The following THSD7B variants were observed in gnomAD, a reference collection of about 807,000 sequenced individuals.
The protein encoded by THSD7B is thrombospondin type 1 domain containing 7B, also known as thrombospondin type-1 domain-containing protein 7B.
A neutral mutation model predicts 213.6 loss-of-function variants in THSD7B; 138 were observed. That is an observed-to-expected ratio of 0.65 (90% CI 0.56 to 0.74). THSD7B has a LOEUF of 0.74. THSD7B is among the 30% of genes least tolerant of loss of function. The probability of loss-of-function intolerance (pLI) is 0.00; values close to 1 mark genes in which losing one functional copy is unlikely to be tolerated. For synonymous variants in THSD7B, 742 were observed against 687.0 expected (o/e 1.08, Z -1.25); for missense variants, 1,931 against 1,991.5 (o/e 0.97, Z 0.58).
intron 15 of THSD7B, among the ~76,000 whole-genome samples, chr2:137,540,876 A>C (rs1680597258): frequency 6.6e-6 from 1 of 151,784 alleles, no homozygotes; most frequent in Non-Finnish European, 1.5e-5. Context: ...CCTGGGAATT[A>C]AAAGAGCATG....
intron 7 of THSD7B, 68 bp from the exon 8 acceptor site, chr2:137,230,976 G>A: frequency 1.4e-6 from 2 of 1,453,344 alleles, no homozygotes; most frequent in Non-Finnish European, 1.9e-6. Flanking sequence ...TTAAACTGAA[G>A]TAATAGATAA....
At chr2:137,336,841 T>C (rs1278760392) in intron 12 of THSD7B, among the ~76,000 whole-genome samples, 2 of 152,152 alleles carry the variant, frequency 1.3e-5, no homozygotes, top group Non-Finnish European at 2.9e-5. Context: ...TTTAAATGTC[T>C]GTTCTTCAAG....
At chr2:137,549,395 G>A (rs772492146) in intron 15 of THSD7B, among the ~76,000 whole-genome samples, 11 of 142,824 alleles carry the variant, frequency 7.7e-5, no homozygotes, top group Non-Finnish European at 1.3e-4. Context: ...ATTCTGTGGC[G>A]CAGACTCACT....
At chr2:136,966,977 C>T (rs1407002446) in intron 2 of THSD7B, among the ~76,000 whole-genome samples, 2 of 152,110 alleles carry the variant, frequency 1.3e-5, no homozygotes, top group East Asian at 1.9e-4. Context: ...TGCAACTGAC[C>T]TAGCCTTGAC....
intron 12 of THSD7B, among the ~76,000 whole-genome samples, chr2:137,278,757 G>C (rs1268375863): frequency 6.6e-6 from 1 of 152,136 alleles, no homozygotes; most frequent in African/African-American, 2.4e-5. Context: ...TAGAGGACCT[G>C]TCAGGTTTGA....
intron 7 of THSD7B, among the ~76,000 whole-genome samples, chr2:137,196,812 A>G (rs1413751850): frequency 1.3e-5 from 2 of 152,208 alleles, no homozygotes; most frequent in African/African-American, 4.8e-5. Context: ...CTCATTATGC[A>G]TATGCAAATA....
intron 15 of THSD7B, among the ~76,000 whole-genome samples, chr2:137,512,589 T>C (rs1005743446): frequency 2.6e-5 from 4 of 151,844 alleles, no homozygotes; most frequent in African/African-American, 9.7e-5. Flanking sequence ...GACAGGGTTT[T>C]GTCATGTTGC....
At chr2:137,185,165 T>C (rs529637274) in intron 7 of THSD7B, among the ~76,000 whole-genome samples, 2 of 152,070 alleles carry the variant, frequency 1.3e-5, no homozygotes, top group Admixed American at 1.3e-4. Context: ...AAAAGCAACA[T>C]ATTTATATAA....
intron 12 of THSD7B, among the ~76,000 whole-genome samples, chr2:137,373,795 A>T (rs1478238485): frequency 6.6e-6 from 1 of 152,130 alleles, no homozygotes; most frequent in Non-Finnish European, 1.5e-5. Flanking sequence ...CTGAATGGTA[A>T]TGCCTAGGTT....
chr2:137,546,957 T>C (rs1170428802), intron 15 of THSD7B, among the ~76,000 whole-genome samples: 1 of 151,966 alleles, frequency 6.6e-6, no homozygotes, highest in African/African-American at 2.4e-5. Context: ...ATCATCTGTT[T>C]TTATTTTGTG....
chr2:137,242,301 G>A (rs531676253), intron 9 of THSD7B, among the ~76,000 whole-genome samples, 156 bp from the exon 10 acceptor site: 3 of 152,270 alleles, frequency 2.0e-5, no homozygotes, highest in East Asian at 3.9e-4. Context: ...AGCTTTGAGC[G>A]CTTGGGCAAG....
At chr2:137,448,332 G>A (rs554460442) in intron 14 of THSD7B, among the ~76,000 whole-genome samples, 2 of 152,320 alleles carry the variant, frequency 1.3e-5, no homozygotes, top group South Asian at 4.1e-4. Flanking sequence ...CAAGAGAGTG[G>A]TTAAAGTAAT....
At chr2:137,266,283 T>C (rs1682588022) in intron 10 of THSD7B, among the ~76,000 whole-genome samples, 1 of 152,212 alleles carries the variant, frequency 6.6e-6, no homozygotes, top group Non-Finnish European at 1.5e-5. Flanking sequence ...ACTTAGGAAG[T>C]TGAAGCTTAG....
At chr2:137,336,894 C>T (rs988654028) in intron 12 of THSD7B, among the ~76,000 whole-genome samples, 1 of 151,910 alleles carries the variant, frequency 6.6e-6, no homozygotes, top group African/African-American at 2.4e-5. Context: ...ATCCACCATT[C>T]CTCCTTCGTA....
intron 1 of THSD7B, among the ~76,000 whole-genome samples, chr2:136,766,645 C>T (rs1681401985): frequency 6.6e-6 from 1 of 152,130 alleles, no homozygotes; most frequent in African/African-American, 2.4e-5. Flanking sequence ...CTTTCGTTGG[C>T]GAAGGTGGTA....
intron 12 of THSD7B, among the ~76,000 whole-genome samples, chr2:137,343,785 G>T (rs1160441926): frequency 6.6e-6 from 1 of 151,722 alleles, no homozygotes; most frequent in Non-Finnish European, 1.5e-5. Context: ...ATGCTACAGT[G>T]TACAAATACC....
chr2:136,885,178 A>G (rs1171288036), intron 2 of THSD7B, among the ~76,000 whole-genome samples: 2 of 152,208 alleles, frequency 1.3e-5, no homozygotes, highest in Non-Finnish European at 2.9e-5. Context: ...GTAGAAACCT[A>G]GAAACCATTC....
intron 14 of THSD7B, among the ~76,000 whole-genome samples, chr2:137,421,446 T>A (rs1686924582): frequency 2.0e-5 from 3 of 152,180 alleles, no homozygotes; most frequent in Admixed American, 2.0e-4. Flanking sequence ...GCTGGAGTAG[T>A]TCACAGAACT....
intron 2 of THSD7B, among the ~76,000 whole-genome samples, chr2:136,915,183 A>G (rs1395878783): frequency 1.3e-5 from 2 of 152,198 alleles, no homozygotes; most frequent in African/African-American, 4.8e-5. Flanking sequence ...GTGAGATACT[A>G]GCCTTTTTCA....
Sources: gnomAD v4.1 joint callset for allele counts (sites outside exome capture counted in the v4.1 genomes callset) on GRCh38, gnomAD v4.1.1 for gene constraint, MANE v1.5 for transcripts, NCBI Gene and HGNC (gene_info 2026-07-23, HGNC 2026-07-21) for gene names.